OSBPL3: variants seen among roughly 807,000 people sequenced by gnomAD.
The protein encoded by OSBPL3 is oxysterol binding protein like 3.
In OSBPL3, 65 loss-of-function variants were observed where a neutral mutation model predicts 120.1. The observed-to-expected ratio is 0.54, with a 90% CI of 0.44 to 0.67. OSBPL3 has a LOEUF of 0.67. Ranked by LOEUF, OSBPL3 falls within the 30% of genes least tolerant of loss-of-function variation. The probability of loss-of-function intolerance (pLI) is 0.00; values close to 1 mark genes in which losing one functional copy is unlikely to be tolerated. For synonymous variants in OSBPL3, 416 were observed against 402.6 expected (o/e 1.03, Z -0.40); for missense variants, 1,004 against 1,082.1 (o/e 0.93, Z 1.01).
rs551203237 is a variant in OSBPL3, at chr7:24,854,669, G to T, written c.1028-2035C>A. Among the ~76,000 whole-genome samples, 15 of 152,236 alleles carry T rather than the reference G, an allele frequency of 9.9e-5. No individual in the cohort carries two copies. The highest frequency in any genetic ancestry group is 3.4e-4 in the African/African-American group (14 of 41,546). On this transcript the variant is annotated intron_variant, in intron 10 of 22. Coordinates refer to ENST00000313367, the MANE Select transcript of OSBPL3 (RefSeq NM_015550.4). This position sits in a 1 kb window ranked among gnomAD's most constrained non-coding sequence, Gnocchi z 4.1. ...ATTTAATTGAGCAAAATAATGGGCA[G>T]GACAACAGAGTAATCAACAGCTGGG...
chr7:24,956,504 G>A (rs1309631496), intron 1 of OSBPL3, among the ~76,000 whole-genome samples: 1 of 152,246 alleles, frequency 6.6e-6, no homozygotes, highest in African/African-American at 2.4e-5. Context: ...CACTGGAAGA[G>A]TAAAGCAGTA....
At chr7:24,914,605 C>T (rs6973567) in intron 1 of OSBPL3, among the ~76,000 whole-genome samples, 33,154 of 151,814 alleles carry the variant, frequency 0.22, 3,921 homozygotes, top group East Asian at 0.34. Flanking sequence ...GTGTCCTGCT[C>T]CACCTCCTCT....
At chr7:24,885,504 G>C (rs1190561609) in intron 2 of OSBPL3, among the ~76,000 whole-genome samples, 1 of 152,156 alleles carries the variant, frequency 6.6e-6, no homozygotes, top group Non-Finnish European at 1.5e-5. Context: ...AAACAGCAGG[G>C]TGACAAGAGT....
At position 24,800,113 on chromosome 7, in the gene OSBPL3, A is replaced by T; in HGVS notation, c.*70T>A. 1.2e-6 allele frequency: 1 copy of T among 818,450 alleles called. No individual in the cohort carries two copies. The highest frequency in any genetic ancestry group is 2.1e-6 in the Non-Finnish European group (1 of 469,792). The allele number at this position is 818,450 out of a possible 1,614,324, so 50.7% of individuals were successfully genotyped here. A position where few individuals can be genotyped will look rare whatever the true frequency, so the allele number is the denominator to read the frequency against. On this transcript the variant is annotated 3_prime_UTR_variant, in exon 23 of 23. Coordinates refer to ENST00000313367, the MANE Select transcript of OSBPL3 (RefSeq NM_015550.4). The stretch of plus-strand genomic sequence containing the variant: ...TAGAGTATCTTTTAAATATATAAAC[A>T]CAGGTTTGTGCCACTTCAGAAGGCA...
rs1803969343 is a variant in OSBPL3 at position 24,883,126 on chromosome 7, C to T, written c.96+9251G>A. Among the ~76,000 whole-genome samples, 1 of 152,128 alleles carries T rather than the reference C, an allele frequency of 6.6e-6. No homozygotes were observed. The highest frequency in any genetic ancestry group is 1.5e-5 in the Non-Finnish European group (1 of 68,030). On this transcript the variant is annotated intron_variant, in intron 2 of 22. Coordinates refer to ENST00000313367, the MANE Select transcript of OSBPL3 (RefSeq NM_015550.4). The surrounding 1 kb of genome is among the most constrained non-coding windows in gnomAD (Gnocchi z 5.4). ...ATGATTCAGCTCACTACACAGGGCC[C>T]CAGGGACCACGGGGCCAAGATGTGC...
intron 1 of OSBPL3, among the ~76,000 whole-genome samples, chr7:24,909,076 T>C (rs181255124): frequency 1.2e-3 from 176 of 152,326 alleles, no homozygotes; most frequent in African/African-American, 4.0e-3. Context: ...ACAGAACTCA[T>C]GATACATTTG....
chr7:24,861,489 T>C (rs1800526199), intron 10 of OSBPL3, 124 bp downstream of exon 10: 6 of 590,510 alleles, frequency 1.0e-5, no homozygotes, highest in Non-Finnish European at 5.7e-6. Flanking sequence ...AAGATTAGGT[T>C]TCCCTAAATC....
chr7:24,812,211 GCACGAGAAT>G (rs1193593190), intron 19 of OSBPL3, among the ~76,000 whole-genome samples: 1 of 151,246 alleles, frequency 6.6e-6, no homozygotes, highest in East Asian at 1.9e-4. Flanking sequence ...GGAGGCTGAG[GCACGAGAAT>G]CACTTGAACC....
At chr7:24,979,618 C>T (rs1383386590) in intron 1 of OSBPL3, among the ~76,000 whole-genome samples, 1 of 152,292 alleles carries the variant, frequency 6.6e-6, no homozygotes, top group East Asian at 1.9e-4. Context: ...CTCGGCTCCT[C>T]CTGGCGGTCA....
rs1382548770 is a variant in OSBPL3, at chr7:24,815,025, C to G, written c.2172+34G>C. Reference sequence around the variant, plus strand: ...GGGCCCTGGCTCTGCCACAGCCCTTCCAGGGTCAGAGCTCAGAGAGTCACT... The same window carrying G: ...GGGCCCTGGCTCTGCCACAGCCCTTGCAGGGTCAGAGCTCAGAGAGTCACT... On this transcript the variant is annotated intron_variant, in intron 19 of 22. Transcript: ENST00000313367. This position sits in a 1 kb window ranked among gnomAD's most constrained non-coding sequence, Gnocchi z 5.1. 6.2e-7 allele frequency: 1 copy of G among 1,609,332 alleles called. No homozygotes were observed. Among genetic ancestry groups the G allele is most frequent in the Non-Finnish European group, 8.5e-7 (1 of 1,176,006 alleles).
chr7:24,812,688 C>G (rs917881640), intron 19 of OSBPL3, among the ~76,000 whole-genome samples: 3 of 152,172 alleles, frequency 2.0e-5, no homozygotes, highest in Non-Finnish European at 2.9e-5. Flanking sequence ...TACTTGGAAA[C>G]TAATCATGTT....
intron 1 of OSBPL3, among the ~76,000 whole-genome samples, chr7:24,917,001 T>C (rs1428463732): frequency 6.6e-6 from 1 of 150,770 alleles, no homozygotes; most frequent in Non-Finnish European, 1.5e-5. Flanking sequence ...GGTATATGGG[T>C]AGAGAGAGGG....
chr7:24,802,106 G>A lies in OSBPL3; in HGVS notation c.2568-1827C>T, dbSNP rs1415069011. Among the ~76,000 whole-genome samples, 1 of 152,144 alleles carries A rather than the reference G, an allele frequency of 6.6e-6. No individual in the cohort carries two copies. Among genetic ancestry groups the A allele is most frequent in the African/African-American group, 2.4e-5 (1 of 41,412 alleles). Reference sequence around the variant, plus strand: ...TGTGCCTGTTTTCCTACACTCTCAGGAATGTAGATTTTTATCACACTTGTT... The same window carrying A: ...TGTGCCTGTTTTCCTACACTCTCAGAAATGTAGATTTTTATCACACTTGTT... On this transcript the variant is annotated intron_variant, in intron 22 of 22. Transcript: ENST00000313367. The surrounding 1 kb of genome is among the most constrained non-coding windows in gnomAD (Gnocchi z 4.1).
rs953109296 is a variant in OSBPL3 at position 24,834,943 on chromosome 7, A to G, written c.1496-207T>C. Among the ~76,000 whole-genome samples, 4 of 152,226 alleles carry G rather than the reference A, an allele frequency of 2.6e-5. No homozygotes were observed. The highest frequency in any genetic ancestry group is 4.4e-5 in the Non-Finnish European group (3 of 68,042). ...ACACACACTAAAACCCATCGACTTT[A>G]TTCACAGGGAAGACCTTGAATTGCT... On this transcript the variant is annotated intron_variant, in intron 14 of 22. Coordinates refer to ENST00000313367, the MANE Select transcript of OSBPL3 (RefSeq NM_015550.4). The surrounding 1 kb of genome is among the most constrained non-coding windows in gnomAD (Gnocchi z 5.2).
rs530734548 is a variant in OSBPL3, at chr7:24,872,314, C to T, written c.97-245G>A. Among the ~76,000 whole-genome samples, 10 of 151,370 alleles carry T rather than the reference C, an allele frequency of 6.6e-5. No homozygotes were observed. The highest frequency in any genetic ancestry group is 4.6e-4 in the Admixed American group (7 of 15,192). On this transcript the variant is annotated intron_variant, in intron 2 of 22. Coordinates refer to ENST00000313367, the MANE Select transcript of OSBPL3 (RefSeq NM_015550.4). This position sits in a 1 kb window ranked among gnomAD's most constrained non-coding sequence, Gnocchi z 4.1. ...TTTTTTTAGAAGGGAATGTTTCTTT[C>T]GGTGTTTGAACCTTAATAGGCACAG...
intron 12 of OSBPL3, among the ~76,000 whole-genome samples, chr7:24,845,499 T>C (rs1181750444): frequency 6.6e-6 from 1 of 151,248 alleles, no homozygotes. Flanking sequence ...TTCCATTTAC[T>C]TGTTAAAGTT....
rs528899139 is a variant in OSBPL3, at chr7:24,980,118, G to C, written c.-382C>G. On this transcript the variant is annotated 5_prime_UTR_variant, in exon 1 of 23. Coordinates refer to ENST00000313367, the MANE Select transcript of OSBPL3 (RefSeq NM_015550.4). The stretch of plus-strand genomic sequence containing the variant: ...CGAAGCGCTCAAGTCCCCTCTCCCG[G>C]GCCGGCTGGCGGGCGCCACCAGCAC... 3.1e-5 allele frequency: 28 copies of C among 911,464 alleles called. No individual in the cohort carries two copies. Among genetic ancestry groups the C allele is most frequent in the Non-Finnish European group, 3.4e-5 (26 of 762,694 alleles). The allele number at this position is 911,464 out of a possible 1,614,324, so 56.5% of individuals were successfully genotyped here.
At position 24,972,318 on chromosome 7, in the gene OSBPL3, T is replaced by C. The variant is rs371254919; in HGVS notation, c.-150+7568A>G. On this transcript the variant is annotated intron_variant, in intron 1 of 22. Transcript: ENST00000313367. The surrounding 1 kb of genome is among the most constrained non-coding windows in gnomAD (Gnocchi z 4.3). Reference sequence around the variant, plus strand: ...ACACAAAAGGGCAGGACTCTGCTCATCTCATCCTCCTTTGAGGATTCCCCA... The same window carrying C: ...ACACAAAAGGGCAGGACTCTGCTCACCTCATCCTCCTTTGAGGATTCCCCA... Among the ~76,000 whole-genome samples, 27 of 152,336 alleles carry C rather than the reference T, an allele frequency of 1.8e-4. 4 individuals are homozygous for C. The highest frequency in any genetic ancestry group is 1.7e-3 in the South Asian group (8 of 4,824).
intron 1 of OSBPL3, among the ~76,000 whole-genome samples, chr7:24,929,237 C>G (rs1036356820): frequency 6.6e-6 from 1 of 152,146 alleles, no homozygotes; most frequent in Non-Finnish European, 1.5e-5. Context: ...AAATCTGTTT[C>G]GTTCAGTGTG....
Sources: allele counts gnomAD v4.1 joint callset (sites outside exome capture counted in the v4.1 genomes callset), GRCh38; gene constraint gnomAD v4.1.1; non-coding constraint Gnocchi (gnomAD v3.1); transcripts MANE v1.5; gene names NCBI Gene and HGNC (gene_info 2026-07-23, HGNC 2026-07-21).